The following GNB1 variants were observed in gnomAD, a reference collection of about 807,000 sequenced individuals.
GNB1 encodes the protein guanine nucleotide-binding protein G(I)/G(S)/G(T) subunit beta-1.
GNB1 carries 2 observed loss-of-function variants against 42.9 expected under a neutral mutation model. That is an observed-to-expected ratio of 0.05 (90% CI 0.02 to 0.15). GNB1 has a LOEUF of 0.15. Ranked by LOEUF, GNB1 falls within the 10% of genes least tolerant of loss-of-function variation. The probability of loss-of-function intolerance (pLI) is 1.00; values close to 1 mark genes in which losing one functional copy is unlikely to be tolerated. For missense variants in GNB1, 193 were observed against 462.2 expected (o/e 0.42, Z 5.34); for synonymous variants, 183 against 174.7 (o/e 1.05, Z -0.38).
At chr1:1,832,716 G>C (rs1247338881) in intron 2 of GNB1, among the ~76,000 whole-genome samples, 2 of 152,180 alleles carry the variant, frequency 1.3e-5, no homozygotes, top group South Asian at 2.1e-4. Flanking sequence ...GGTGCCCTCA[G>C]GACCCCATAT....
At chr1:1,834,612 G>A (rs1647120074) in intron 2 of GNB1, among the ~76,000 whole-genome samples, 1 of 151,786 alleles carries the variant, frequency 6.6e-6, no homozygotes, top group African/African-American at 2.4e-5. Flanking sequence ...GGGAAAGGTG[G>A]TGAGAAACTA....
At chr1:1,835,097 A>C (rs962784355) in intron 2 of GNB1, among the ~76,000 whole-genome samples, 12 of 152,174 alleles carry the variant, frequency 7.9e-5, no homozygotes, top group African/African-American at 2.9e-4. Context: ...AACTACAATG[A>C]ATACTATGTG....
At chr1:1,844,765 A>G (rs1224068631) in intron 1 of GNB1, among the ~76,000 whole-genome samples, 1 of 152,226 alleles carries the variant, frequency 6.6e-6, no homozygotes, top group Non-Finnish European at 1.5e-5. Flanking sequence ...ATTCAGGGTG[A>G]GCAGTCTTAT....
intron 7 of GNB1, among the ~76,000 whole-genome samples, chr1:1,803,801 G>T (rs1439095200): frequency 6.6e-6 from 1 of 151,888 alleles, no homozygotes. Flanking sequence ...GGCCAATACA[G>T]CAAAACCCCG....
rs75047691 is a variant in GNB1 at position 1,786,996 on chromosome 1, C to G, written c.*67G>C. On this transcript the variant is annotated 3_prime_UTR_variant, in exon 12 of 12. Transcript: ENST00000378609. ...CGTTAGTACGGTTGGATAGGATATGCTCTCATGGTAACGCGTCCAAGTTGG... is the reference window on the plus strand; with the variant it reads ...CGTTAGTACGGTTGGATAGGATATGGTCTCATGGTAACGCGTCCAAGTTGG... The G allele has an allele frequency of 0.02, 4,135 of 205,738 alleles. 51 individuals are homozygous for G. Among genetic ancestry groups the G allele is most frequent in the Non-Finnish European group, 0.029 (2,918 of 101,062 alleles). The allele number at this position is 205,738 out of a possible 1,614,324, so 12.7% of individuals were successfully genotyped here. A position where few individuals can be genotyped will look rare whatever the true frequency, so the allele number is the denominator to read the frequency against.
intron 1 of GNB1, among the ~76,000 whole-genome samples, chr1:1,852,607 A>G (rs1648053070): frequency 1.3e-5 from 2 of 151,802 alleles, no homozygotes; most frequent in Admixed American, 6.6e-5. Context: ...AGACAGGAGG[A>G]CTGGTTGAGC....
At chr1:1,875,896 T>A (rs1649519923) in intron 1 of GNB1, among the ~76,000 whole-genome samples, 1 of 152,068 alleles carries the variant, frequency 6.6e-6, no homozygotes, top group African/African-American at 2.4e-5. Context: ...ATTTGGAGCG[T>A]CTTTCCAGGT....
chr1:1,852,501 AT>A (rs1163306330), intron 1 of GNB1, among the ~76,000 whole-genome samples: 1 of 151,962 alleles, frequency 6.6e-6, no homozygotes, highest in Middle Eastern at 3.2e-3. Flanking sequence ...AAGTGCTAGG[AT>A]TACAGGCTCG....
intron 1 of GNB1, among the ~76,000 whole-genome samples, chr1:1,876,922 A>G (rs922703700): frequency 5.3e-5 from 8 of 152,190 alleles, no homozygotes; most frequent in Admixed American, 3.3e-4. Context: ...AATACCACTG[A>G]TATCTACATA....
chr1:1,848,356 GCAA>G (rs1557925565), intron 1 of GNB1, among the ~76,000 whole-genome samples: 13 of 87,066 alleles, frequency 1.5e-4, no homozygotes, highest in Admixed American at 1.3e-4. Flanking sequence ...TCCAGCCCAG[GCAA>G]AAAAAAAAAA....
At chr1:1,844,099 G>A (rs951347775) in intron 1 of GNB1, among the ~76,000 whole-genome samples, 1 of 152,022 alleles carries the variant, frequency 6.6e-6, no homozygotes, top group Non-Finnish European at 1.5e-5. Flanking sequence ...GGAGGGTGAG[G>A]CAGGAGAATG....
In GNB1 at chr1:1,890,258, C is replaced by T. The variant is rs1473483592; in HGVS notation, c.-96+562G>A. On this transcript the variant is annotated intron_variant, in intron 1 of 11. Transcript: ENST00000378609. The stretch of plus-strand genomic sequence containing the variant: ...CATTTCCCGACGCCGCGCCCGGCTT[C>T]CGCTTTAAATCCCTACTCCGACCGC... 2.0e-5 allele frequency: 3 copies of T among 152,080 alleles called. No individual in the cohort carries two copies. The South Asian group carries it at 6.2e-4, about 32-fold the overall frequency. 9.4% of individuals were successfully genotyped at this position (152,080 alleles called of 1,614,324 possible).
Position 1,819,196 on chromosome 1 carries a change from T to C in GNB1, c.58-1321A>G, listed in dbSNP as rs989143933. ...GGCTAACAGGTTTAAAGTTTGAGTG[T>C]TGGTATAATTTTTTTTTTAATCACA... is the stretch of plus-strand genomic sequence containing the variant. On this transcript the variant is annotated intron_variant, in intron 3 of 11. Transcript: ENST00000378609. Among the ~76,000 whole-genome samples, 7 of 152,110 alleles carry C rather than the reference T, an allele frequency of 4.6e-5. No homozygotes were observed. The South Asian group carries it at 8.3e-4, about 18-fold the overall frequency.
intron 1 of GNB1, among the ~76,000 whole-genome samples, chr1:1,863,682 T>C (rs768908723): frequency 1.6e-4 from 24 of 152,178 alleles, no homozygotes; most frequent in Non-Finnish European, 2.9e-4. Flanking sequence ...ATCTTCTCCT[T>C]CCAAGGTTCT....
intron 1 of GNB1, among the ~76,000 whole-genome samples, chr1:1,887,802 AC>A (rs1311505967): frequency 1.3e-5 from 2 of 152,112 alleles, no homozygotes; most frequent in East Asian, 1.9e-4. Context: ...TTTAGTAGAT[AC>A]GAGGTTTCGC....
At position 1,885,296 on chromosome 1, in the gene GNB1, T is replaced by C. The variant is rs57591848; in HGVS notation, c.-96+5524A>G. Among the ~76,000 whole-genome samples the C allele has an allele frequency of 8.5e-3, 1,268 of 150,014 alleles. 21 individuals carry two copies. The highest frequency in any genetic ancestry group is 0.03 in the African/African-American group (1,216 of 40,962). ...GGCATGGTGGCGGGCACCTGTAATC[T>C]CAGCTACTTGGGAGGCTGAGGCAGG... On this transcript the variant is annotated intron_variant, in intron 1 of 11. Coordinates refer to ENST00000378609, the MANE Select transcript of GNB1 (RefSeq NM_002074.5).
At chr1:1,817,036 G>A (rs1041580209) in intron 4 of GNB1, among the ~76,000 whole-genome samples, 2 of 152,062 alleles carry the variant, frequency 1.3e-5, no homozygotes, top group African/African-American at 4.8e-5. Context: ...CCACCATCTA[G>A]TTCCAAACCA....
intron 1 of GNB1, among the ~76,000 whole-genome samples, chr1:1,859,367 T>C (rs1409099349): frequency 6.8e-6 from 1 of 148,112 alleles, no homozygotes; most frequent in African/African-American, 2.5e-5. Context: ...AGGACATAAA[T>C]AGTTAAACTG....
chr1:1,848,787 CCT>C (rs368459188), intron 1 of GNB1, among the ~76,000 whole-genome samples: 1 of 152,132 alleles, frequency 6.6e-6, no homozygotes, highest in African/African-American at 2.4e-5. Flanking sequence ...ACTCCTAATC[CCT>C]GTGTTAAGGG....
Sources: allele counts gnomAD v4.1 joint callset (sites outside exome capture counted in the v4.1 genomes callset), GRCh38; gene constraint gnomAD v4.1.1; transcripts MANE v1.5; gene names NCBI Gene and HGNC (gene_info 2026-07-23, HGNC 2026-07-21).